Variants in PRKCI observed in about 807,000 individuals in gnomAD.
PRKCI encodes the protein protein kinase C iota type.
Under a neutral mutation model 84.0 loss-of-function variants are expected in PRKCI, and 43 were observed. That is an observed-to-expected ratio of 0.51 (90% confidence interval 0.40 to 0.66). The LOEUF is 0.66. Ranked by LOEUF, PRKCI falls within the 30% of genes least tolerant of loss-of-function variation. PRKCI has a pLI of 0.00. For missense variants in PRKCI, 459 were observed against 745.6 expected (o/e 0.62, Z 4.48); for synonymous variants, 216 against 234.4 (o/e 0.92, Z 0.72).
chr3:170,292,413 A>G (rs575324804), intron 13 of PRKCI, among the ~76,000 whole-genome samples: 55 of 152,310 alleles, frequency 3.6e-4, no homozygotes, highest in African/African-American at 1.3e-3. Flanking sequence ...AATCTGAAAG[A>G]TGGTGGAAAG....
At chr3:170,242,567 A>C (rs573115091) in intron 2 of PRKCI, among the ~76,000 whole-genome samples, 13 of 152,216 alleles carry the variant, frequency 8.5e-5, no homozygotes, top group Non-Finnish European at 1.9e-4. Flanking sequence ...ATGTTAAAAC[A>C]TTATAATGTT....
In PRKCI at chr3:170,252,526, C is replaced by T. The variant is rs183666114; in HGVS notation, c.224-7443C>T. ...ACTCTTTTAGTTATTTTTAAATATA[C>T]AATAAATTTTGTTGACTGTAATTAC... is the stretch of plus-strand genomic sequence containing the variant. On this transcript the variant is annotated intron_variant, in intron 2 of 17. Coordinates refer to ENST00000295797, the MANE Select transcript of PRKCI (RefSeq NM_002740.6). 1.1e-3 allele frequency among the ~76,000 whole-genome samples: 162 copies of T among 151,998 alleles called. 3 individuals are homozygous for T. Among genetic ancestry groups the T allele is most frequent in the African/African-American group, 3.2e-3 (133 of 41,484 alleles).
chr3:170,284,767 T>A (rs1295730815), intron 12 of PRKCI, among the ~76,000 whole-genome samples, 171 bp downstream of exon 12: 1 of 152,212 alleles, frequency 6.6e-6, no homozygotes, highest in East Asian at 1.9e-4. Flanking sequence ...ATTTGCAAAA[T>A]TTGTATCTTC....
At chr3:170,276,404 G>A (rs971236436) in intron 8 of PRKCI, among the ~76,000 whole-genome samples, 1 of 151,372 alleles carries the variant, frequency 6.6e-6, no homozygotes, top group African/African-American at 2.4e-5. Context: ...TTGATGTTAT[G>A]TTTTAGTTTC....
chr3:170,263,709 A>G (rs1461153905), intron 4 of PRKCI, among the ~76,000 whole-genome samples: 1 of 152,068 alleles, frequency 6.6e-6, no homozygotes. Context: ...AGGTGGGAGG[A>G]TCCCTTGAGC....
intron 2 of PRKCI, among the ~76,000 whole-genome samples, chr3:170,249,540 G>A (rs1733383444): frequency 6.6e-6 from 1 of 152,136 alleles, no homozygotes; most frequent in African/African-American, 2.4e-5. Context: ...TGTAATCCCA[G>A]CACTTTTGGA....
intron 13 of PRKCI, among the ~76,000 whole-genome samples, chr3:170,293,103 A>G (rs1043063391): frequency 6.6e-6 from 1 of 151,986 alleles, no homozygotes; most frequent in Non-Finnish European, 1.5e-5. Flanking sequence ...TATCCTCAAC[A>G]CACAATATTA....
intron 11 of PRKCI, among the ~76,000 whole-genome samples, chr3:170,282,629 G>A (rs865960175): frequency 9.8e-4 from 148 of 151,382 alleles, no homozygotes; most frequent in African/African-American, 3.2e-3. Flanking sequence ...CCCGGAAGGC[G>A]GAGGTTGCAG....
intron 17 of PRKCI, among the ~76,000 whole-genome samples, chr3:170,302,528 G>A (rs1734846729): frequency 6.6e-6 from 1 of 152,140 alleles, no homozygotes; most frequent in African/African-American, 2.4e-5. Context: ...TAGAAGCCCA[G>A]TGTAACAAAA....
At chr3:170,270,736 C>T (rs1381339847) in intron 6 of PRKCI, among the ~76,000 whole-genome samples, 175 bp downstream of exon 6, 2 of 152,010 alleles carry the variant, frequency 1.3e-5, no homozygotes, top group Admixed American at 6.6e-5. Flanking sequence ...TTTGGAACTT[C>T]GAAATATCTG....
chr3:170,293,488 CAG>C lies in PRKCI; in HGVS notation c.1400_1401del (p.Glu467GlyfsTer31), dbSNP rs1734618832. On this transcript the variant is annotated frameshift_variant, in exon 14 of 18. Coordinates refer to ENST00000295797, the MANE Select transcript of PRKCI (RefSeq NM_002740.6). LOFTEE classifies it high-confidence loss of function. ...AGCTCCGATAACCCTGACCAGAACA[CAG>C]AGGATTATCTCTTCCAAGGTAATTT... 2.5e-6 allele frequency: 4 copies of C among 1,613,556 alleles called. No homozygotes were observed. Among genetic ancestry groups the C allele is most frequent in the African/African-American group, 1.3e-5 (1 of 74,888 alleles).
In PRKCI at chr3:170,284,556, C is replaced by T; in HGVS notation, c.1163C>T (p.Ser388Phe). The T allele has an allele frequency of 2.5e-6, 4 of 1,613,052 alleles. No individual in the cohort carries two copies. Among genetic ancestry groups the T allele is most frequent in the Non-Finnish European group, 3.4e-6 (4 of 1,179,690 alleles). ...AAACTGGACAATGTATTACTGGACT[C>T]TGAAGGCCACATTAAACTCACTGAC... ...DLKLDNVLLD[S>F]EGHIKLTDYG... is the part of the protein sequence containing the mutation. The change falls in exon 12 of 18, where the codon TCT (serine) becomes TTT (phenylalanine). Residue 388 changes from serine to phenylalanine, a missense_variant. Coordinates refer to ENST00000295797, the MANE Select transcript of PRKCI (RefSeq NM_002740.6).
Position 170,292,339 on chromosome 3 carries a change from A to G in PRKCI, c.1291+398A>G, listed in dbSNP as rs1568873. ...AGGTCAAGGATTCAGAACAGCACCC[A>G]TGTGACTCCAGAGTCATGAACCCCT... On this transcript the variant is annotated intron_variant, in intron 13 of 17. Transcript: ENST00000295797. 5.0e-3 allele frequency among the ~76,000 whole-genome samples: 761 copies of G among 152,294 alleles called. 8 individuals carry two copies. Among genetic ancestry groups the G allele is most frequent in the African/African-American group, 0.018 (738 of 41,560 alleles).
intron 2 of PRKCI, 76 bp from the exon 3 acceptor site, chr3:170,259,893 C>A: frequency 2.7e-6 from 2 of 728,164 alleles, no homozygotes; most frequent in Admixed American, 2.8e-5. Flanking sequence ...TAAAAATTTA[C>A]ATTATGAAAT....
At chr3:170,266,856 G>A (rs1256247706) in intron 4 of PRKCI, among the ~76,000 whole-genome samples, 1 of 152,140 alleles carries the variant, frequency 6.6e-6, no homozygotes, top group African/African-American at 2.4e-5. Context: ...AGCCGGGTGT[G>A]GTGGTGTGTA....
At chr3:170,225,698 G>C (rs1378790491) in intron 1 of PRKCI, among the ~76,000 whole-genome samples, 1 of 151,414 alleles carries the variant, frequency 6.6e-6, no homozygotes, top group Non-Finnish European at 1.5e-5. Context: ...GTGAGCCACT[G>C]TACCTGGCTC....
Position 170,288,749 on chromosome 3 carries a change from T to C in PRKCI, c.1204-3105T>C, listed in dbSNP as rs558888786. Among the ~76,000 whole-genome samples, 3 of 152,216 alleles carry C rather than the reference T, an allele frequency of 2.0e-5. No homozygotes were observed. In the South Asian group the frequency reaches 6.2e-4, roughly 32 times the overall value. On this transcript the variant is annotated intron_variant, in intron 12 of 17. Coordinates refer to ENST00000295797, the MANE Select transcript of PRKCI (RefSeq NM_002740.6). ...TCCAGACTGGGCAACAGAGTGAGAC[T>C]CCGCCTCAAAATATATACATATAAA...
chr3:170,249,514 C>T lies in PRKCI; in HGVS notation c.224-10455C>T, dbSNP rs1023617876. Among the ~76,000 whole-genome samples, 44 of 152,088 alleles carry T rather than the reference C, an allele frequency of 2.9e-4. 1 individual carries two copies. The highest frequency in any genetic ancestry group is 9.7e-4 in the African/African-American group (40 of 41,412). ...CATTAGAAATGAAGTGTTAGCTGGG[C>T]GTGGTGGCTCACGCCTGTAATCCCA... is the stretch of plus-strand genomic sequence containing the variant. On this transcript the variant is annotated intron_variant, in intron 2 of 17. Coordinates refer to ENST00000295797, the MANE Select transcript of PRKCI (RefSeq NM_002740.6).
At chr3:170,300,069 T>C (rs1394397589) in intron 17 of PRKCI, among the ~76,000 whole-genome samples, 1 of 152,226 alleles carries the variant, frequency 6.6e-6, no homozygotes, top group Non-Finnish European at 1.5e-5. Flanking sequence ...AGATTCATTC[T>C]CTCTAATCTC....
Sources: gnomAD v4.1 joint callset for allele counts (sites outside exome capture counted in the v4.1 genomes callset) on GRCh38, gnomAD v4.1.1 for gene constraint, MANE v1.5 for transcripts, NCBI Gene and HGNC (gene_info 2026-07-23, HGNC 2026-07-21) for gene names.